CDYL: variants seen among roughly 807,000 people sequenced by gnomAD.
CDYL encodes the protein chromodomain Y like.
In CDYL, 8 loss-of-function variants were observed where a neutral mutation model predicts 47.3. The observed-to-expected ratio is 0.17, with a 90% confidence interval of 0.10 to 0.31. The LOEUF is 0.31. CDYL is among the 10% of genes least tolerant of loss of function. CDYL has a pLI of 1.00. For missense variants in CDYL, 471 were observed against 701.4 expected (o/e 0.67, Z 3.71); for synonymous variants, 266 against 265.0 (o/e 1.00, Z -0.04).
intron 4 of CDYL, among the ~76,000 whole-genome samples, chr6:4,938,232 T>G (rs1220188387): frequency 1.7e-5 from 2 of 121,082 alleles, no homozygotes; most frequent in East Asian, 4.2e-4. Context: ...TTTTTTTTGT[T>G]GTTTTTTTTT....
intron 2 of CDYL, among the ~76,000 whole-genome samples, chr6:4,905,815 G>A (rs1177428900): frequency 6.6e-6 from 1 of 151,854 alleles, no homozygotes; most frequent in Non-Finnish European, 1.5e-5. Context: ...TTGTTTAAAT[G>A]TATGGGGTAC....
chr6:4,792,199 G>T (rs1758944598), intron 1 of CDYL, among the ~76,000 whole-genome samples: 1 of 151,706 alleles, frequency 6.6e-6, no homozygotes, highest in South Asian at 2.1e-4. Context: ...GCCAGGAATT[G>T]TAGAATTTTA....
chr6:4,714,958 C>T (rs76511248), intron 1 of CDYL: 10 of 152,192 alleles, frequency 6.6e-5, no homozygotes, highest in African/African-American at 2.4e-4. Flanking sequence ...GACTTTTTCA[C>T]TTTTGTGTCT....
At chr6:4,914,235 C>G (rs1031471810) in intron 2 of CDYL, among the ~76,000 whole-genome samples, 1 of 137,668 alleles carries the variant, frequency 7.3e-6, no homozygotes, top group African/African-American at 2.7e-5. Flanking sequence ...CACTCTCCTT[C>G]CTTTGGCACT....
At chr6:4,910,005 G>A (rs549455006) in intron 2 of CDYL, among the ~76,000 whole-genome samples, 8 of 150,638 alleles carry the variant, frequency 5.3e-5, no homozygotes, top group African/African-American at 1.5e-4. Context: ...TTTTGCACAT[G>A]TATTCATATA....
chr6:4,722,684 C>T (rs1224166536), intron 2 of CDYL, among the ~76,000 whole-genome samples: 1 of 152,160 alleles, frequency 6.6e-6, no homozygotes, highest in Non-Finnish European at 1.5e-5. Context: ...TGAGACCAGC[C>T]TGACCAACGT....
chr6:4,899,272 G>A (rs1333224755), intron 2 of CDYL, among the ~76,000 whole-genome samples: 1 of 152,136 alleles, frequency 6.6e-6, no homozygotes, highest in Non-Finnish European at 1.5e-5. Flanking sequence ...TTGTGGCTGG[G>A]GCCTGTGAAT....
At chr6:4,853,457 C>T (rs886088320) in intron 1 of CDYL, among the ~76,000 whole-genome samples, 2 of 152,170 alleles carry the variant, frequency 1.3e-5, no homozygotes, top group African/African-American at 2.4e-5. Context: ...CTAATCACTG[C>T]CAGTTTTGGC....
At chr6:4,801,421 T>C (rs1759221515) in intron 1 of CDYL, among the ~76,000 whole-genome samples, 1 of 152,256 alleles carries the variant, frequency 6.6e-6, no homozygotes, top group Non-Finnish European at 1.5e-5. Context: ...TTTCCTATTT[T>C]TTTCTTGTCT....
intron 2 of CDYL, among the ~76,000 whole-genome samples, chr6:4,923,343 T>C (rs1039685748): frequency 6.6e-6 from 1 of 152,208 alleles, no homozygotes; most frequent in African/African-American, 2.4e-5. Context: ...CCTGGCTTCG[T>C]TCACTTAGCA....
At chr6:4,881,354 C>CT (rs1457180746) in intron 1 of CDYL, among the ~76,000 whole-genome samples, 3 of 151,510 alleles carry the variant, frequency 2.0e-5, no homozygotes, top group Non-Finnish European at 2.9e-5. Context: ...CTGTTTTTGC[C>CT]TTTTTTTTAG....
intron 2 of CDYL, among the ~76,000 whole-genome samples, chr6:4,926,589 A>C (rs1757880547): frequency 6.6e-6 from 1 of 152,354 alleles, no homozygotes; most frequent in African/African-American, 2.4e-5. Flanking sequence ...ATAATATCCC[A>C]GACATTTTTG....
intron 4 of CDYL, 132 bp downstream of exon 4, chr6:4,937,869 A>C (rs1389232842): frequency 1.5e-6 from 1 of 663,620 alleles, no homozygotes; most frequent in Non-Finnish European, 2.5e-6. Context: ...CACGAGCAGC[A>C]AAATTAATTA....
intron 1 of CDYL, among the ~76,000 whole-genome samples, chr6:4,879,847 A>G (rs2127477535): frequency 6.6e-6 from 1 of 152,262 alleles, no homozygotes; most frequent in South Asian, 2.1e-4. Flanking sequence ...GGCATGAGCC[A>G]CTGCACCTGG....
chr6:4,776,016 G>A (rs923483886), upstream of CDYL, among the ~76,000 whole-genome samples: 3 of 149,906 alleles, frequency 2.0e-5, no homozygotes, highest in African/African-American at 7.3e-5. Context: ...CAACCGCGCT[G>A]CGCCTCGAAC....
In CDYL at chr6:4,777,554, C is replaced by T. The variant is rs115994571; in HGVS notation, c.24+747C>T. Among the ~76,000 whole-genome samples the T allele has an allele frequency of 5.4e-3, 825 of 152,318 alleles. 5 individuals carry two copies. Among genetic ancestry groups the T allele is most frequent in the African/African-American group, 0.019 (797 of 41,556 alleles). ...TTCTTTTGACGTATTTCAAAGTAGA[C>T]TTCCTGGGAGTACAGAAGTTTGGAA... On this transcript the variant is annotated intron_variant, in intron 1 of 6. Coordinates refer to ENST00000397588, the MANE Select transcript of CDYL (RefSeq NM_004824.4).
intron 3 of CDYL, among the ~76,000 whole-genome samples, chr6:4,739,034 G>A (rs945590013): frequency 6.6e-6 from 1 of 151,952 alleles, no homozygotes; most frequent in African/African-American, 2.4e-5. Flanking sequence ...GGTGGCACAT[G>A]CCTGTAATCC....
At chr6:4,746,577 G>C (rs1034035939) in intron 3 of CDYL, among the ~76,000 whole-genome samples, 10 of 152,164 alleles carry the variant, frequency 6.6e-5, no homozygotes, top group African/African-American at 2.4e-4. Flanking sequence ...GCTTAAGCCT[G>C]GTGGCTGAGA....
chr6:4,788,480 C>CAAAAAAAAAAAAA lies in CDYL; in HGVS notation c.24+11683_24+11695dup, dbSNP rs1220969716. 2.1e-3 allele frequency among the ~76,000 whole-genome samples: 129 copies of CAAAAAAAAAAAAA among 61,060 alleles called. 1 individual carries two copies. Among genetic ancestry groups the CAAAAAAAAAAAAA allele is most frequent in the African/African-American group, 9.2e-3 (124 of 13,536 alleles). The allele number at this position is 61,060 out of a possible 152,430, so 40.1% of individuals were successfully genotyped here. ...CCTGGGTGACAGAGTGAGACTCTGT[C>CAAAAAAAAAAAAA]AAAAAAAAAAAAAAAAAAAAAAGGC... is the stretch of plus-strand genomic sequence containing the variant. On this transcript the variant is annotated intron_variant, in intron 1 of 6. Transcript: ENST00000397588.
Sources: gnomAD v4.1 joint callset for allele counts (sites outside exome capture counted in the v4.1 genomes callset) on GRCh38, gnomAD v4.1.1 for gene constraint, MANE v1.5 for transcripts, NCBI Gene and HGNC (gene_info 2026-07-23, HGNC 2026-07-21) for gene names.